Variants in TMEM108 observed in about 807,000 individuals in gnomAD.
TMEM108 encodes transmembrane protein 108.
TMEM108 carries 12 observed loss-of-function variants against 35.1 expected under a neutral mutation model. The ratio of observed to expected loss-of-function variants is 0.34; its 90% CI spans 0.22 to 0.55. The LOEUF is 0.55. Ranked by LOEUF, TMEM108 falls within the 20% of genes least tolerant of loss-of-function variation. The pLI is 0.89. For synonymous variants in TMEM108, 287 were observed against 308.6 expected, an observed-to-expected ratio of 0.93 and a Z score of 0.73; for missense variants, 680 against 753.3, an observed-to-expected ratio of 0.90 and a Z score of 1.14.
At chr3:133,291,772 G>C (rs145116754) in intron 3 of TMEM108, among the ~76,000 whole-genome samples, 186 of 152,190 alleles carry the variant, frequency 1.2e-3, no homozygotes, top group African/African-American at 4.3e-3. Flanking sequence ...CAGAAGGCAG[G>C]GTTCCTCAAG....
chr3:133,250,262 C>A (rs1448831610), intron 3 of TMEM108, among the ~76,000 whole-genome samples: 1 of 152,126 alleles, frequency 6.6e-6, no homozygotes, highest in Non-Finnish European at 1.5e-5. Flanking sequence ...AAGACCAACC[C>A]CTCCTCTTCC....
At chr3:133,051,248 T>C (rs561519861) in intron 2 of TMEM108, among the ~76,000 whole-genome samples, 8 of 152,108 alleles carry the variant, frequency 5.3e-5, no homozygotes, top group Non-Finnish European at 8.8e-5. Flanking sequence ...TTGTTTTAAT[T>C]TGCATTTCCC....
chr3:133,173,302 G>T (rs1013764068), intron 2 of TMEM108, among the ~76,000 whole-genome samples: 2 of 152,190 alleles, frequency 1.3e-5, no homozygotes, highest in Non-Finnish European at 2.9e-5. Flanking sequence ...TATGGAAAAG[G>T]GTTGGAGGGA....
At chr3:133,232,039 A>C (rs919835962) in intron 3 of TMEM108, among the ~76,000 whole-genome samples, 6 of 152,272 alleles carry the variant, frequency 3.9e-5, no homozygotes, top group African/African-American at 1.4e-4. Context: ...CACAGGAAAA[A>C]TCAGCAGTGT....
chr3:133,316,239 G>T (rs2071197038), intron 3 of TMEM108, among the ~76,000 whole-genome samples: 1 of 152,158 alleles, frequency 6.6e-6, no homozygotes, highest in Non-Finnish European at 1.5e-5. Context: ...AAATCATTAG[G>T]TTGAGTGATT....
chr3:133,227,665 G>A (rs1028795316), intron 2 of TMEM108, among the ~76,000 whole-genome samples: 1 of 151,786 alleles, frequency 6.6e-6, no homozygotes, highest in Non-Finnish European at 1.5e-5. Flanking sequence ...GGGAGGCTGA[G>A]ATGGGCAGAT....
At chr3:133,206,243 C>T (rs994922580) in intron 2 of TMEM108, among the ~76,000 whole-genome samples, 3 of 152,204 alleles carry the variant, frequency 2.0e-5, no homozygotes, top group African/African-American at 7.2e-5. Flanking sequence ...TGGGTTAGAA[C>T]ATGCTCCTTT....
intron 2 of TMEM108, among the ~76,000 whole-genome samples, chr3:133,062,224 T>C (rs1217105248): frequency 2.0e-5 from 3 of 152,248 alleles, no homozygotes; most frequent in East Asian, 1.9e-4. Flanking sequence ...GTTTTTGACA[T>C]TGGAAAATCA....
At chr3:133,201,298 TA>T (rs1280516637) in intron 2 of TMEM108, among the ~76,000 whole-genome samples, 1,905 of 148,050 alleles carry the variant, frequency 0.013, 36 homozygotes, top group African/African-American at 0.041. Flanking sequence ...GACCTCTAAT[TA>T]AAAAAAAAAA....
chr3:133,389,883 G>T (rs775800666), intron 4 of TMEM108, among the ~76,000 whole-genome samples: 9 of 151,574 alleles, frequency 5.9e-5, no homozygotes, highest in African/African-American at 1.9e-4. Context: ...TGCCTGGGAC[G>T]TAAGTCCTAT....
chr3:133,386,614 G>A (rs879746823), intron 4 of TMEM108: 8 of 1,438,190 alleles, frequency 5.6e-6, no homozygotes, highest in African/African-American at 1.4e-5. Flanking sequence ...AGGAAATTGG[G>A]ACTCCATGAC....
At chr3:133,216,901 T>C (rs1297982084) in intron 2 of TMEM108, among the ~76,000 whole-genome samples, 1 of 152,114 alleles carries the variant, frequency 6.6e-6, no homozygotes, top group Non-Finnish European at 1.5e-5. Flanking sequence ...AACATGGACG[T>C]GCATATCTCT....
At chr3:133,135,927 C>A (rs545019197) in intron 2 of TMEM108, among the ~76,000 whole-genome samples, 1 of 152,180 alleles carries the variant, frequency 6.6e-6, no homozygotes, top group South Asian at 2.1e-4. Context: ...TGCTTCAGGA[C>A]AAATGGTGCG....
intron 2 of TMEM108, among the ~76,000 whole-genome samples, chr3:133,173,992 T>G (rs1945170200): frequency 6.6e-6 from 1 of 152,208 alleles, no homozygotes; most frequent in Non-Finnish European, 1.5e-5. Context: ...ATACTGCACT[T>G]TTCCAATGGT....
chr3:133,257,092 C>A (rs1300404453), intron 3 of TMEM108: 1 of 152,156 alleles, frequency 6.6e-6, no homozygotes, highest in Non-Finnish European at 1.5e-5. Flanking sequence ...GTAGAGACGA[C>A]AGGAGGTCTT....
At chr3:133,335,874 C>T (rs1458054747) in intron 3 of TMEM108, among the ~76,000 whole-genome samples, 2 of 152,144 alleles carry the variant, frequency 1.3e-5, no homozygotes, top group East Asian at 1.9e-4. Flanking sequence ...CTGCACGGCA[C>T]GGAGAAAGAA....
chr3:133,384,716 G>A (rs1201056850), intron 4 of TMEM108, among the ~76,000 whole-genome samples: 1 of 152,146 alleles, frequency 6.6e-6, no homozygotes, highest in African/African-American at 2.4e-5. Context: ...ATTGGTCGGC[G>A]CTCACCATTG....
chr3:133,211,395 A>G (rs948034273), intron 2 of TMEM108, among the ~76,000 whole-genome samples: 1 of 152,204 alleles, frequency 6.6e-6, no homozygotes, highest in African/African-American at 2.4e-5. Context: ...GAAAAAAGAA[A>G]AATGAATGAG....
intron 2 of TMEM108, among the ~76,000 whole-genome samples, chr3:133,158,496 A>C (rs189782191): frequency 6.6e-6 from 1 of 151,642 alleles, no homozygotes; most frequent in Non-Finnish European, 1.5e-5. Flanking sequence ...AAAAGAAAAG[A>C]AAGAAATTGT....
Sources: gnomAD v4.1 joint callset for allele counts (sites outside exome capture counted in the v4.1 genomes callset) on GRCh38, gnomAD v4.1.1 for gene constraint, MANE v1.5 for transcripts, NCBI Gene and HGNC (gene_info 2026-07-23, HGNC 2026-07-21) for gene names.